BCL2: variants seen among roughly 807,000 people sequenced by gnomAD.
BCL2 encodes the protein apoptosis regulator Bcl-2.
A neutral mutation model predicts 14.2 loss-of-function variants in BCL2; 1 was observed. That is an observed-to-expected ratio of 0.07 (90% CI 0.02 to 0.33). The LOEUF (loss-of-function observed/expected upper bound fraction) is 0.33. Among genes scored for constraint, BCL2 ranks in the 10% least tolerant of loss-of-function variants. The pLI is 0.99. For missense variants in BCL2, 247 were observed against 305.9 expected, an observed-to-expected ratio of 0.81 and a Z score of 1.44; for synonymous variants, 151 against 137.2, an observed-to-expected ratio of 1.10 and a Z score of -0.70.
intron 2 of BCL2, among the ~76,000 whole-genome samples, chr18:63,227,320 C>T (rs1293366043): frequency 6.6e-6 from 1 of 152,194 alleles, no homozygotes; most frequent in Non-Finnish European, 1.5e-5. Context: ...CAAGGATGTA[C>T]TTCAGTAAGA....
At chr18:63,251,947 T>G (rs4987747) in intron 2 of BCL2, among the ~76,000 whole-genome samples, 3,690 of 152,120 alleles carry the variant, frequency 0.024, 61 homozygotes, top group Non-Finnish European at 0.038. Context: ...GATCTACCCA[T>G]GTCGACCTCC....
intron 2 of BCL2, among the ~76,000 whole-genome samples, chr18:63,222,416 GA>G (rs34843082): frequency 0.8 from 120,417 of 150,746 alleles, 48,710 homozygotes; most frequent in Non-Finnish European, 0.87. Flanking sequence ...GTGATAAAGG[GA>G]AAAAAAAAAC....
intron 2 of BCL2, among the ~76,000 whole-genome samples, chr18:63,247,091 G>T (rs187249700): frequency 6.6e-6 from 1 of 152,126 alleles, no homozygotes; most frequent in Non-Finnish European, 1.5e-5. Flanking sequence ...TTTTCTGACC[G>T]GGCTAGAAAG....
chr18:63,169,393 CTTTCTTTCTTTTTCTT>C lies in BCL2; in HGVS notation c.586-40650_586-40635del, dbSNP rs1568222803. ...TCTCTTTCTTTCTTTCTTTCTTTTT[CTTTCTTTCTTTTTCTT>C]TCTCTCTCTCTCTCTCTCTTTCTTT... is the stretch of plus-strand genomic sequence containing the variant. On this transcript the variant is annotated intron_variant, in intron 2 of 2. Transcript: ENST00000333681. Among the ~76,000 whole-genome samples the C allele has an allele frequency of 1.1e-4, 13 of 113,304 alleles. 1 individual carries two copies. Among genetic ancestry groups the C allele is most frequent in the African/African-American group, 5.8e-4 (13 of 22,278 alleles). The allele number at this position is 113,304 out of a possible 152,430, so 74.3% of individuals were successfully genotyped here.
chr18:63,211,268 G>C (rs1309997027), intron 2 of BCL2, among the ~76,000 whole-genome samples: 2 of 151,804 alleles, frequency 1.3e-5, no homozygotes, highest in African/African-American at 4.8e-5. Context: ...ATGTTGGCCA[G>C]GCTGGTCTCA....
intron 2 of BCL2, among the ~76,000 whole-genome samples, chr18:63,273,187 G>A (rs75572941): frequency 0.016 from 2,396 of 152,254 alleles, 70 homozygotes; most frequent in African/African-American, 0.055. Context: ...TGGGGCTAAC[G>A]CCAGGGTCGG....
chr18:63,268,826 C>G (rs888144507), intron 2 of BCL2, among the ~76,000 whole-genome samples: 1 of 152,142 alleles, frequency 6.6e-6, no homozygotes, highest in African/African-American at 2.4e-5. Flanking sequence ...ATTTGCCAGA[C>G]AAGCTTTCTT....
rs372286465 is a variant in BCL2 at position 63,169,369 on chromosome 18, C to CTTTCTTTCTTTCTTTCTCTT, written c.586-40611_586-40610insAAGAGAAAGAAAGAAAGAAA. On this transcript the variant is annotated intron_variant, in intron 2 of 2. Coordinates refer to ENST00000333681, the MANE Select transcript of BCL2 (RefSeq NM_000633.3). ...TCTTTCTTTCTTTCTTTCTTTCTTTCTCTTTCTTTCTTTCTTTCTTTTTCT... is the reference window on the plus strand; with the variant it reads ...TCTTTCTTTCTTTCTTTCTTTCTTTCTTTCTTTCTTTCTTTCTCTTTCTTTCTTTCTTTCTTTCTTTTTCT... Among the ~76,000 whole-genome samples, 127 of 69,546 alleles carry CTTTCTTTCTTTCTTTCTCTT rather than the reference C, an allele frequency of 1.8e-3. 14 individuals are homozygous for CTTTCTTTCTTTCTTTCTCTT. Among genetic ancestry groups the CTTTCTTTCTTTCTTTCTCTT allele is most frequent in the African/African-American group, 0.012 (123 of 10,122 alleles). 45.6% of individuals were successfully genotyped at this position (69,546 alleles called of 152,430 possible).
intron 2 of BCL2, among the ~76,000 whole-genome samples, chr18:63,296,460 G>A (rs1349295819): frequency 6.6e-6 from 1 of 152,152 alleles, no homozygotes; most frequent in Non-Finnish European, 1.5e-5. Context: ...ACGCCACCAT[G>A]ATTGGCTTAA....
chr18:63,191,382 T>C (rs1394957418), intron 2 of BCL2, among the ~76,000 whole-genome samples: 1 of 152,200 alleles, frequency 6.6e-6, no homozygotes, highest in Non-Finnish European at 1.5e-5. Flanking sequence ...TTGAAGTCTT[T>C]ATTTTATTTA....
At chr18:63,213,633 A>T (rs563617811) in intron 2 of BCL2, among the ~76,000 whole-genome samples, 1 of 152,104 alleles carries the variant, frequency 6.6e-6, no homozygotes, top group East Asian at 1.9e-4. Flanking sequence ...TAAGTTCATA[A>T]TTTAGGAGTT....
chr18:63,147,768 A>G (rs752723157), intron 2 of BCL2, among the ~76,000 whole-genome samples: 3 of 152,192 alleles, frequency 2.0e-5, no homozygotes, highest in Non-Finnish European at 2.9e-5. Context: ...CATAAACAAT[A>G]TCCATTATTT....
intron 2 of BCL2, among the ~76,000 whole-genome samples, chr18:63,206,710 T>C (rs990023504): frequency 6.6e-6 from 1 of 152,136 alleles, no homozygotes; most frequent in Non-Finnish European, 1.5e-5. Flanking sequence ...ACATCATCTC[T>C]GTCACTTAAT....
At chr18:63,136,268 A>G (rs1914204188) in intron 2 of BCL2, among the ~76,000 whole-genome samples, 1 of 152,104 alleles carries the variant, frequency 6.6e-6, no homozygotes, top group African/African-American at 2.4e-5. Context: ...TAACTGGCAA[A>G]TACTTATTCC....
At chr18:63,294,158 T>C (rs1312193800) in intron 2 of BCL2, among the ~76,000 whole-genome samples, 1 of 151,952 alleles carries the variant, frequency 6.6e-6, no homozygotes, top group South Asian at 2.1e-4. Flanking sequence ...TGCAGTGCTG[T>C]TGTCCAGGGC....
chr18:63,296,903 G>T (rs985621272), intron 2 of BCL2, among the ~76,000 whole-genome samples: 2 of 152,214 alleles, frequency 1.3e-5, no homozygotes, highest in Admixed American at 1.3e-4. Context: ...CTAGACCAGT[G>T]CTGTCCAATA....
At chr18:63,231,210 T>A (rs1910678483) in intron 2 of BCL2, among the ~76,000 whole-genome samples, 1 of 151,678 alleles carries the variant, frequency 6.6e-6, no homozygotes, top group Admixed American at 6.6e-5. Flanking sequence ...AAAAATAAAA[T>A]AAAATACCTA....
intron 2 of BCL2, among the ~76,000 whole-genome samples, chr18:63,160,858 C>G (rs1914903303): frequency 6.6e-6 from 1 of 152,050 alleles, no homozygotes; most frequent in Non-Finnish European, 1.5e-5. Flanking sequence ...CTCACTAGCC[C>G]TTCTGCTGGA....
intron 2 of BCL2, among the ~76,000 whole-genome samples, chr18:63,173,923 A>G (rs1275598906): frequency 3.3e-5 from 5 of 152,206 alleles, no homozygotes; most frequent in Non-Finnish European, 7.3e-5. Context: ...GAAAAACATA[A>G]TAAGAATTTC....
Sources: allele counts gnomAD v4.1 joint callset (sites outside exome capture counted in the v4.1 genomes callset), GRCh38; gene constraint gnomAD v4.1.1; transcripts MANE v1.5; gene names NCBI Gene and HGNC (gene_info 2026-07-23, HGNC 2026-07-21).